Variants in EIF4G3 observed in about 807,000 individuals in gnomAD.
EIF4G3 encodes the protein eukaryotic translation initiation factor 4 gamma 3.
Under a neutral mutation model 186.4 loss-of-function variants are expected in EIF4G3, and 34 were observed. That is an observed-to-expected ratio of 0.18 (90% CI 0.14 to 0.24). EIF4G3 has a LOEUF of 0.24. EIF4G3 is among the 10% of genes least tolerant of loss of function. The pLI is 1.00. For synonymous variants in EIF4G3, 673 were observed against 679.5 expected, an observed-to-expected ratio of 0.99 and a Z score of 0.15; for missense variants, 1,536 against 1,948.5, an observed-to-expected ratio of 0.79 and a Z score of 3.99.
At chr1:20,843,800 T>C (rs1264694645) in intron 29 of EIF4G3, among the ~76,000 whole-genome samples, 3 of 152,248 alleles carry the variant, frequency 2.0e-5, no homozygotes, top group Non-Finnish European at 1.5e-5. Context: ...CCTGTCTCTC[T>C]CCTTCCACCT....
chr1:21,109,200 TG>T (rs1393182977), intron 2 of EIF4G3, among the ~76,000 whole-genome samples: 3 of 152,098 alleles, frequency 2.0e-5, no homozygotes, highest in Non-Finnish European at 4.4e-5. Context: ...CCTGGGCAAC[TG>T]AGCAAGACTG....
chr1:20,963,522 T>C (rs1228555193), intron 12 of EIF4G3, among the ~76,000 whole-genome samples: 7 of 152,178 alleles, frequency 4.6e-5, no homozygotes, highest in Admixed American at 4.6e-4. Flanking sequence ...TATCAATCCA[T>C]AATTTCCTAC....
At position 20,942,335 on chromosome 1, in the gene EIF4G3, G is replaced by A; in HGVS notation, c.824-5C>T. The A allele has an allele frequency of 6.5e-7, 1 of 1,542,168 alleles. No individual in the cohort carries two copies. Among genetic ancestry groups the A allele is most frequent in the Non-Finnish European group, 8.7e-7 (1 of 1,149,978 alleles). On this transcript the variant is annotated splice_polypyrimidine_tract_variant and splice_region_variant and intron_variant, in intron 13 of 36. Coordinates refer to ENST00000602326, the MANE Select transcript of EIF4G3 (RefSeq NM_001391906.1). ...GATCTGGTTTTGGCTTCTCCTCTGGGGAAAAAAAAATAAGTTTTAAGAATA... is the reference window on the plus strand; with the variant it reads ...GATCTGGTTTTGGCTTCTCCTCTGGAGAAAAAAAAATAAGTTTTAAGAATA...
intron 14 of EIF4G3, among the ~76,000 whole-genome samples, chr1:20,921,286 G>C (rs146247114): frequency 2.0e-5 from 3 of 152,246 alleles, no homozygotes; most frequent in African/African-American, 7.2e-5. Context: ...AAGGTAGTGG[G>C]CTTGTAATAT....
chr1:21,104,653 A>G (rs1557981499), intron 2 of EIF4G3, among the ~76,000 whole-genome samples: 1 of 152,220 alleles, frequency 6.6e-6, no homozygotes, highest in Non-Finnish European at 1.5e-5. Flanking sequence ...CCATTGTGAA[A>G]AGCAGTTTAC....
chr1:21,022,962 G>C (rs993170150), intron 4 of EIF4G3, among the ~76,000 whole-genome samples: 3 of 151,916 alleles, frequency 2.0e-5, no homozygotes, highest in African/African-American at 4.8e-5. Flanking sequence ...TCTTTCCTTC[G>C]AGGATGCTAA....
chr1:20,912,079 C>T (rs1365895226), intron 14 of EIF4G3, among the ~76,000 whole-genome samples: 1 of 152,048 alleles, frequency 6.6e-6, no homozygotes, highest in East Asian at 1.9e-4. Flanking sequence ...AGTTCAAGAC[C>T]AGCCTGGGCA....
In EIF4G3 at chr1:20,899,348, C is replaced by T. The variant is rs199916380; in HGVS notation, c.1999+349G>A. Among the ~76,000 whole-genome samples the T allele has an allele frequency of 6.6e-5, 10 of 152,254 alleles. No individual in the cohort carries two copies. The East Asian group carries it at 1.5e-3, about 24-fold the overall frequency. On this transcript the variant is annotated intron_variant, in intron 16 of 36. Coordinates refer to ENST00000602326, the MANE Select transcript of EIF4G3 (RefSeq NM_001391906.1). Reference sequence around the variant, plus strand: ...ATCAAGTCTTATGAAAGATGACTAACGCCATCTCGAGGAATGTGGTAATAT... The same window carrying T: ...ATCAAGTCTTATGAAAGATGACTAATGCCATCTCGAGGAATGTGGTAATAT...
Position 20,969,403 on chromosome 1 carries a change from T to C in EIF4G3, c.714+71A>G, listed in dbSNP as rs1458374261. On this transcript the variant is annotated intron_variant, in intron 12 of 36. Coordinates refer to ENST00000602326, the MANE Select transcript of EIF4G3 (RefSeq NM_001391906.1). ...AAATGAAAAGTACAGAAAGTGGCTA[T>C]AGAAGAAAGAAGAGTTCAGTAGAGG... 7.8e-5 allele frequency: 121 copies of C among 1,555,426 alleles called. 3 individuals carry two copies. Among genetic ancestry groups the C allele is most frequent in the South Asian group, 5.8e-4 (50 of 85,478 alleles).
At chr1:21,124,108 T>G (rs1243661078) in intron 2 of EIF4G3, among the ~76,000 whole-genome samples, 1 of 151,910 alleles carries the variant, frequency 6.6e-6, no homozygotes. Context: ...CTAGCCAACA[T>G]GATGAAACCC....
chr1:21,066,709 T>C (rs1050184178), intron 3 of EIF4G3, among the ~76,000 whole-genome samples: 1 of 152,234 alleles, frequency 6.6e-6, no homozygotes, highest in Non-Finnish European at 1.5e-5. Flanking sequence ...CTGATCGTTC[T>C]ATTCATGACA....
At chr1:20,997,727 GA>G (rs910024397) in intron 6 of EIF4G3, 94 bp from the exon 7 acceptor site, 23 of 946,930 alleles carry the variant, frequency 2.4e-5, no homozygotes, top group Middle Eastern at 4.5e-4. Context: ...TATGCCAAAA[GA>G]AAAAAAACCC....
intron 2 of EIF4G3, among the ~76,000 whole-genome samples, chr1:21,116,980 T>C (rs1273997790): frequency 6.6e-6 from 1 of 152,180 alleles, no homozygotes; most frequent in African/African-American, 2.4e-5. Flanking sequence ...AAGAGAACTC[T>C]TGGGTATTGC....
intron 2 of EIF4G3, among the ~76,000 whole-genome samples, chr1:21,120,487 G>T (rs780160199): frequency 1.3e-5 from 2 of 151,728 alleles, no homozygotes; most frequent in African/African-American, 2.4e-5. Flanking sequence ...AATTAGTTGG[G>T]CATGGTGGTG....
intron 14 of EIF4G3, among the ~76,000 whole-genome samples, chr1:20,918,874 A>T: frequency 6.6e-6 from 1 of 151,890 alleles, no homozygotes; most frequent in East Asian, 1.9e-4. Context: ...CCAAATATAG[A>T]TATTGTCAGA....
At chr1:21,098,540 G>GAAAAAAAAAAAAA (rs59544256) in intron 2 of EIF4G3, among the ~76,000 whole-genome samples, 3 of 72,718 alleles carry the variant, frequency 4.1e-5, no homozygotes, top group Non-Finnish European at 5.1e-5. Context: ...GCCCTGTCTC[G>GAAAAAAAAAAAAA]AAAAAAAAAA....
At chr1:21,078,424 G>A (rs2095656154) in intron 3 of EIF4G3, among the ~76,000 whole-genome samples, 1 of 152,178 alleles carries the variant, frequency 6.6e-6, no homozygotes, top group African/African-American at 2.4e-5. Context: ...GTACAGAGTA[G>A]AATGATGGTT....
At chr1:20,885,787 G>C (rs2083923404) in intron 19 of EIF4G3, among the ~76,000 whole-genome samples, 1 of 152,038 alleles carries the variant, frequency 6.6e-6, no homozygotes, top group Admixed American at 6.6e-5. Context: ...ATTCCAAAAG[G>C]CTTCAAAACA....
intron 2 of EIF4G3, among the ~76,000 whole-genome samples, chr1:21,110,320 G>A (rs1295985465): frequency 2.0e-5 from 3 of 151,038 alleles, no homozygotes; most frequent in Non-Finnish European, 2.9e-5. Flanking sequence ...TTTTAAGACG[G>A]AGTCTCGCTC....
Sources: allele counts gnomAD v4.1 joint callset (sites outside exome capture counted in the v4.1 genomes callset), GRCh38; gene constraint gnomAD v4.1.1; transcripts MANE v1.5; gene names NCBI Gene and HGNC (gene_info 2026-07-23, HGNC 2026-07-21).